CHERP: variants seen among roughly 807,000 people sequenced by gnomAD.
CHERP encodes the protein calcium homeostasis endoplasmic reticulum protein, also known as ERPROT 213-21.
In CHERP, 8 loss-of-function variants were observed where a neutral mutation model predicts 113.8. The ratio of observed to expected loss-of-function variants is 0.07; its 90% CI spans 0.04 to 0.13. The LOEUF (loss-of-function observed/expected upper bound fraction) is 0.13, where lower values mean the gene tolerates loss of function less well. CHERP is among the 10% of genes least tolerant of loss of function. The pLI is 1.00. For missense variants in CHERP, 884 were observed against 1,298.2 expected, an observed-to-expected ratio of 0.68 and a Z score of 4.90; for synonymous variants, 559 against 524.5, an observed-to-expected ratio of 1.07 and a Z score of -0.90.
intron 1 of CHERP, 57 bp downstream of exon 1, chr19:16,542,297 G>A: frequency 2.2e-6 from 3 of 1,374,202 alleles, no homozygotes; most frequent in South Asian, 1.7e-5. Flanking sequence ...AGGCGGGGCC[G>A]GCCAATAGGA....
In CHERP at chr19:16,542,328, G is replaced by A. The variant is rs776835096; in HGVS notation, c.25+26C>T. 5 of 1,410,836 alleles carry A rather than the reference G, an allele frequency of 3.5e-6. No homozygotes were observed. In the East Asian group the frequency reaches 8.4e-5, roughly 24 times the overall value. 87.4% of individuals were successfully genotyped at this position (1,410,836 alleles called of 1,614,324 possible). On this transcript the variant is annotated intron_variant, in intron 1 of 16. Transcript: ENST00000546361. ...TAGGAGGTTCCGGGGAGAGAGAAAC[G>A]GTCTCTCGGCCGGTTTGGGTCTCAC...
At chr19:16,542,089 C>T in intron 1 of CHERP, 46 bp from the exon 2 acceptor site, 3 of 1,567,922 alleles carry the variant, frequency 1.9e-6, no homozygotes, top group Non-Finnish European at 2.6e-6. Context: ...CGAGGACCGC[C>T]CAAAGCCGGG....
intron 1 of CHERP, 24 bp from the exon 2 acceptor site, chr19:16,542,067 G>A: frequency 6.3e-7 from 1 of 1,597,434 alleles, no homozygotes; most frequent in Non-Finnish European, 8.5e-7. Flanking sequence ...AAAAGGCCAC[G>A]CGGGGCGTCA....
Position 16,520,155 on chromosome 19 carries a change from G to A in CHERP, c.2456C>T (p.Thr819Ile). 1 of 1,612,280 alleles carries A rather than the reference G, an allele frequency of 6.2e-7. No individual in the cohort carries two copies. The highest frequency in any genetic ancestry group is 8.5e-7 in the Non-Finnish European group (1 of 1,179,668). ...ACTTAAGACAGGATCTTACGGCGGG[G>A]TGGGGCTCCTGGACCGTGACCGGCG... ...RRRRSRSRSPTPPSSAGLGSN... is the reference protein window; with the variant it reads ...RRRRSRSRSPIPPSSAGLGSN... The change falls in exon 15 of 17, where the codon ACC becomes ATC. Residue 819 changes from threonine to isoleucine, a missense_variant. Thr to Ile is a moderately conservative substitution (Grantham distance 89). Around this residue, in one of 8 missense-constraint regions of CHERP, gnomAD observed 159 missense variants for 185.8 expected, o/e 0.86. Coordinates refer to ENST00000546361, the MANE Select transcript of CHERP (RefSeq NM_006387.6). The surrounding 1 kb of genome is among the most constrained non-coding windows in gnomAD (Gnocchi z 4.0).
At position 16,532,818 on chromosome 19, in the gene CHERP, G is replaced by A. The variant is rs2085715831; in HGVS notation, c.523-69C>T. On this transcript the variant is annotated intron_variant, in intron 4 of 16. Coordinates refer to ENST00000546361, the MANE Select transcript of CHERP (RefSeq NM_006387.6). The surrounding 1 kb of genome is among the most constrained non-coding windows in gnomAD (Gnocchi z 4.4). ...CCCCAGGCACCCACTGCATCCCTGAGAGCGCGTCACCATCAGCTCAGGGAA... is the reference window on the plus strand; with the variant it reads ...CCCCAGGCACCCACTGCATCCCTGAAAGCGCGTCACCATCAGCTCAGGGAA... The A allele has an allele frequency of 6.4e-6, 10 of 1,563,108 alleles. No homozygotes were observed. The highest frequency in any genetic ancestry group is 1.7e-6 in the Non-Finnish European group (2 of 1,149,698).
At chr19:16,539,154 T>G (rs2085760254) in intron 2 of CHERP, among the ~76,000 whole-genome samples, 2 of 150,044 alleles carry the variant, frequency 1.3e-5, no homozygotes, top group Non-Finnish European at 3.0e-5. Context: ...CGGTTTTTTT[T>G]TTTTTTTTTT....
Position 16,525,829 on chromosome 19 carries a change from G to A in CHERP, c.1306-152C>T. ...CGCCTCCTACGCTGACGCCTGCGAG[G>A]ATGCTGGGCACCTGCTCTCAGCCCG... On this transcript the variant is annotated intron_variant, in intron 9 of 16. Transcript: ENST00000546361. The surrounding 1 kb of genome is among the most constrained non-coding windows in gnomAD (Gnocchi z 6.5). The A allele has an allele frequency of 3.0e-6, 2 of 658,150 alleles. No individual in the cohort carries two copies. The highest frequency in any genetic ancestry group is 4.7e-6 in the Non-Finnish European group (2 of 421,058). 40.8% of individuals were successfully genotyped at this position (658,150 alleles called of 1,614,324 possible).
rs534320096 is a variant in CHERP at position 16,540,836 on chromosome 19, T to C, written c.199+1034A>G. Among the ~76,000 whole-genome samples, 12 of 151,768 alleles carry C rather than the reference T, an allele frequency of 7.9e-5. No individual in the cohort carries two copies. The East Asian group carries it at 9.9e-4, about 13-fold the overall frequency. ...CCTCAGCCTCCCAAGTAGCTGGGACTACAGGCGCGGGCCACCACACCCGGC... is the reference window on the plus strand; with the variant it reads ...CCTCAGCCTCCCAAGTAGCTGGGACCACAGGCGCGGGCCACCACACCCGGC... On this transcript the variant is annotated intron_variant, in intron 2 of 16. Transcript: ENST00000546361.
chr19:16,519,511 G>A lies in CHERP; in HGVS notation c.2557+110C>T. On this transcript the variant is annotated intron_variant, in intron 16 of 16. Coordinates refer to ENST00000546361, the MANE Select transcript of CHERP (RefSeq NM_006387.6). This position sits in a 1 kb window ranked among gnomAD's most constrained non-coding sequence, Gnocchi z 6.0. ...GAGGGTCTGGGTGGAGTCAGAACCG[G>A]CCTGACTCCATCCATCCCCACATGC... 7.9e-7 allele frequency: 1 copy of A among 1,261,082 alleles called. No homozygotes were observed. Among genetic ancestry groups the A allele is most frequent in the Middle Eastern group, 2.6e-4 (1 of 3,792 alleles). 78.1% of individuals were successfully genotyped at this position (1,261,082 alleles called of 1,614,324 possible).
intron 2 of CHERP, among the ~76,000 whole-genome samples, chr19:16,537,167 C>T (rs1176033217): frequency 1.3e-5 from 2 of 151,874 alleles, no homozygotes; most frequent in Admixed American, 6.6e-5. Flanking sequence ...GCTTGCCACT[C>T]CCCGCACCCC....
Position 16,535,307 on chromosome 19 carries a change from GACAGT to G in CHERP, c.384+140_384+144del. On this transcript the variant is annotated intron_variant, in intron 3 of 16. Transcript: ENST00000546361. This position sits in a 1 kb window ranked among gnomAD's most constrained non-coding sequence, Gnocchi z 4.3. ...TGTGTCTGGCATCAGGGCTGGGGGT[GACAGT>G]GGCTGACATGCACCGAGCCCTGGGT... 3.7e-6 allele frequency: 3 copies of G among 804,886 alleles called. No homozygotes were observed. The highest frequency in any genetic ancestry group is 5.9e-6 in the Non-Finnish European group (3 of 507,836). The allele number at this position is 804,886 out of a possible 1,614,324, so 49.9% of individuals were successfully genotyped here. A position where few individuals can be genotyped will look rare whatever the true frequency, so the allele number is the denominator to read the frequency against.
rs2085568170 is a variant in CHERP at position 16,518,393 on chromosome 19, A to C, written c.*766T>G. ...GGCAGCGCTCAACCTGAAGTGTCTT[A>C]GGCTGGTTTCCTGTTAGAATCTTGT... On this transcript the variant is annotated 3_prime_UTR_variant, in exon 17 of 17. Transcript: ENST00000546361. The C allele has an allele frequency of 6.6e-6, 1 of 152,190 alleles. No individual in the cohort carries two copies. Among genetic ancestry groups the C allele is most frequent in the South Asian group, 2.1e-4 (1 of 4,836 alleles). 9.4% of individuals were successfully genotyped at this position (152,190 alleles called of 1,614,324 possible).
chr19:16,528,142 G>C lies in CHERP; in HGVS notation c.1243C>G (p.Pro415Ala). ...TCAAACCAAGGGGGCTTGTTTGGTGGGATCTGGTCGTGTGGCCCGGGGCCC... is the reference window on the plus strand; with the variant it reads ...TCAAACCAAGGGGGCTTGTTTGGTGCGATCTGGTCGTGTGGCCCGGGGCCC... ...PRGPGPHDQI[P>A]PNKPPWFDQP... is the part of the protein sequence containing the mutation. The change falls in exon 9 of 17, where the codon CCA (proline) becomes GCA (alanine). Residue 415 changes from proline to alanine, a missense_variant. Physicochemically the swap from Pro to Ala is conservative, Grantham distance 27. Around this residue, in one of 8 missense-constraint regions of CHERP, gnomAD observed 464 missense variants for 590.1 expected, o/e 0.79. Transcript: ENST00000546361. 6.2e-7 allele frequency: 1 copy of C among 1,613,758 alleles called. No homozygotes were observed. The highest frequency in any genetic ancestry group is 8.5e-7 in the Non-Finnish European group (1 of 1,179,950).
chr19:16,520,226 C>A lies in CHERP; in HGVS notation c.2385G>T (p.Arg795=), dbSNP rs775219409. 1.2e-6 allele frequency: 2 copies of A among 1,613,508 alleles called. No homozygotes were observed. Among genetic ancestry groups the A allele is most frequent in the Admixed American group, 3.3e-5 (2 of 60,022 alleles). Residue 795 remains arginine, a synonymous_variant, in exon 15 of 17, where the codon CGG becomes CGT. Coordinates refer to ENST00000546361, the MANE Select transcript of CHERP (RefSeq NM_006387.6). The surrounding 1 kb of genome is among the most constrained non-coding windows in gnomAD (Gnocchi z 4.0). ...SRSRSSRSRS[R]SQSRSRSKSY... ...ACTTGGACCGGGACCGCGACTGGGA[C>A]CGGGAGCGGCTTCTGGAGGAGCGCG...
chr19:16,537,900 T>C (rs2085752138), intron 2 of CHERP, among the ~76,000 whole-genome samples: 2 of 152,192 alleles, frequency 1.3e-5, no homozygotes, highest in South Asian at 4.1e-4. Context: ...CGGTCCACAT[T>C]GTTACTGTGC....
rs115412639 is a variant in CHERP at position 16,537,498 on chromosome 19, T to G, written c.200-1862A>C. The stretch of plus-strand genomic sequence containing the variant: ...CCTAACCACCAACTGCACGGCCCAC[T>G]GTGTTTCCAAGGGGCCTGTGTTTCC... On this transcript the variant is annotated intron_variant, in intron 2 of 16. Transcript: ENST00000546361. 2.2e-3 allele frequency among the ~76,000 whole-genome samples: 329 copies of G among 151,732 alleles called. 1 individual carries two copies. Among genetic ancestry groups the G allele is most frequent in the African/African-American group, 7.8e-3 (322 of 41,370 alleles).
intron 2 of CHERP, among the ~76,000 whole-genome samples, chr19:16,540,476 G>A (rs1185231615): frequency 2.6e-5 from 4 of 151,454 alleles, no homozygotes; most frequent in African/African-American, 2.4e-5. Context: ...AGGTTCAAGC[G>A]ATTCTTCTGC....
At chr19:16,536,835 G>A (rs1170815946) in intron 2 of CHERP, among the ~76,000 whole-genome samples, 1 of 152,100 alleles carries the variant, frequency 6.6e-6, no homozygotes, top group Non-Finnish European at 1.5e-5. Flanking sequence ...GGCCAACATG[G>A]CCCTGTCTCT....
Position 16,530,921 on chromosome 19 carries a change from G to A in CHERP, c.675-41C>T, listed in dbSNP as rs546978985. ...TTTCCGCGCGTCAGGGCCCTGGGGC[G>A]GGACCCGGCCACGCGCCCGTTACCA... On this transcript the variant is annotated intron_variant, in intron 5 of 16. Coordinates refer to ENST00000546361, the MANE Select transcript of CHERP (RefSeq NM_006387.6). The surrounding 1 kb of genome is among the most constrained non-coding windows in gnomAD (Gnocchi z 4.1). 5.9e-5 allele frequency: 95 copies of A among 1,601,036 alleles called. No individual in the cohort carries two copies. The highest frequency in any genetic ancestry group is 1.3e-4 in the Admixed American group (8 of 59,576).
Sources: allele counts gnomAD v4.1 joint callset (sites outside exome capture counted in the v4.1 genomes callset), GRCh38; gene constraint gnomAD v4.1.1; regional missense constraint gnomAD v4.1.1; non-coding constraint Gnocchi (gnomAD v3.1); transcripts MANE v1.5; gene names NCBI Gene and HGNC (gene_info 2026-07-23, HGNC 2026-07-21).